The following NUMB variants were observed in gnomAD, a reference collection of about 807,000 sequenced individuals.
NUMB encodes the protein protein numb homolog.
In NUMB, 29 loss-of-function variants were observed where a neutral mutation model predicts 59.7. That is an observed-to-expected ratio of 0.49 (90% CI 0.36 to 0.66). The LOEUF is 0.66. Ranked by LOEUF, NUMB falls within the 30% of genes least tolerant of loss-of-function variation. The pLI, the probability that NUMB is intolerant of heterozygous loss-of-function variation, is 0.00. For synonymous variants in NUMB, 288 were observed against 288.2 expected, an observed-to-expected ratio of 1.00 and a Z score of 0.01; for missense variants, 723 against 822.0, an observed-to-expected ratio of 0.88 and a Z score of 1.47.
chr14:73,298,304 C>T (rs1889910730), intron 6 of NUMB: 1 of 152,324 alleles, frequency 6.6e-6, no homozygotes. Context: ...AAGTGATCCC[C>T]TTGTCCCAGC....
At chr14:73,403,938 C>CA (rs1896537933) in intron 2 of NUMB, among the ~76,000 whole-genome samples, 1 of 151,652 alleles carries the variant, frequency 6.6e-6, no homozygotes. Context: ...ACTAAAAATA[C>CA]AAAAATTAGC....
chr14:73,291,431 T>G (rs535840555), intron 8 of NUMB, among the ~76,000 whole-genome samples: 51 of 151,832 alleles, frequency 3.4e-4, no homozygotes, highest in Non-Finnish European at 6.5e-4. Flanking sequence ...CAGGCTGGAG[T>G]GCAGTGGTGC....
intron 2 of NUMB, among the ~76,000 whole-genome samples, chr14:73,384,164 T>C (rs1895383928): frequency 6.6e-6 from 1 of 151,994 alleles, no homozygotes; most frequent in Non-Finnish European, 1.5e-5. Flanking sequence ...TTCTTTTTTT[T>C]TTTTTGAGAC....
chr14:73,411,641 G>C (rs1005184644), intron 1 of NUMB, among the ~76,000 whole-genome samples: 2 of 152,048 alleles, frequency 1.3e-5, no homozygotes, highest in Non-Finnish European at 2.9e-5. Context: ...CTAGCATCTA[G>C]TACAATGCCT....
At chr14:73,278,061 A>AC (rs1198312724) in intron 12 of NUMB, among the ~76,000 whole-genome samples, 101 of 150,936 alleles carry the variant, frequency 6.7e-4, no homozygotes, top group Middle Eastern at 3.4e-3. Context: ...AAAAAAAAAA[A>AC]AAAAAAACAC....
Position 73,334,848 on chromosome 14 carries a change from C to G in NUMB, c.127-11644G>C, listed in dbSNP as rs549760902. On this transcript the variant is annotated intron_variant, in intron 4 of 12. Transcript: ENST00000555238. Reference sequence around the variant, plus strand: ...CCTGTAATCTCAGCTACTCGGGAAGCTAAGGCAGGAGAATAGCTTGAACCT... The same window carrying G: ...CCTGTAATCTCAGCTACTCGGGAAGGTAAGGCAGGAGAATAGCTTGAACCT... Among the ~76,000 whole-genome samples the G allele has an allele frequency of 1.0e-4, 15 of 149,632 alleles. 1 individual carries two copies. In the East Asian group the frequency reaches 3.0e-3, roughly 30 times the overall value.
intron 1 of NUMB, among the ~76,000 whole-genome samples, chr14:73,455,186 G>A (rs980696576): frequency 6.6e-6 from 1 of 152,056 alleles, no homozygotes; most frequent in African/African-American, 2.4e-5. Context: ...AAATCCTGAT[G>A]CAAAGCTATA....
intron 1 of NUMB, among the ~76,000 whole-genome samples, chr14:73,414,591 G>A (rs1489859686): frequency 6.6e-6 from 1 of 152,014 alleles, no homozygotes; most frequent in African/African-American, 2.4e-5. Flanking sequence ...TCACCATGAT[G>A]CCCAGGCTAG....
chr14:73,423,338 GAAA>G (rs34877673), intron 1 of NUMB, among the ~76,000 whole-genome samples: 1 of 111,066 alleles, frequency 9.0e-6, no homozygotes, highest in Non-Finnish European at 2.0e-5. Context: ...TGTCTCTACT[GAAA>G]AAAAAAAAAA....
At chr14:73,317,338 G>A (rs1891140202) in intron 5 of NUMB, among the ~76,000 whole-genome samples, 1 of 152,194 alleles carries the variant, frequency 6.6e-6, no homozygotes, top group African/African-American at 2.4e-5. Context: ...GTCTCACTCT[G>A]TCACTCAGGA....
At chr14:73,307,686 T>C (rs1890530944) in intron 6 of NUMB, among the ~76,000 whole-genome samples, 1 of 150,634 alleles carries the variant, frequency 6.6e-6, no homozygotes, top group African/African-American at 2.4e-5. Context: ...AGGAAGCTAC[T>C]GGAGGACATG....
intron 3 of NUMB, among the ~76,000 whole-genome samples, chr14:73,362,655 T>C (rs945249646): frequency 6.6e-6 from 1 of 152,016 alleles, no homozygotes; most frequent in Non-Finnish European, 1.5e-5. Context: ...AAGCTGGTTT[T>C]GAACTCCTTG....
At chr14:73,388,405 T>C (rs917820322) in intron 2 of NUMB, among the ~76,000 whole-genome samples, 2 of 152,212 alleles carry the variant, frequency 1.3e-5, no homozygotes, top group Non-Finnish European at 2.9e-5. Flanking sequence ...TATTTTTTAA[T>C]TTAAAAAAGT....
chr14:73,376,174 C>A (rs1894935011), intron 2 of NUMB, among the ~76,000 whole-genome samples: 1 of 152,124 alleles, frequency 6.6e-6, no homozygotes. Flanking sequence ...AATGAAAAAA[C>A]TTCCAGAATT....
At position 73,276,816 on chromosome 14, in the gene NUMB, C is replaced by A. The variant is rs760953719; in HGVS notation, c.1718G>T (p.Ser573Ile). ...CTGAGCAGGAGGCTTAAAGAAGGGA[C>A]TGGTGGTAGCACTGCTTGCCTCGTA... is the stretch of plus-strand genomic sequence containing the variant. ...PHYEASSATT[S>I]PFFKPPAQHL... Residue 573 changes from serine (S) to isoleucine (I), a missense_variant, in exon 13 of 13, where the codon AGT becomes ATT. Ser to Ile is a moderately radical substitution (Grantham distance 142). Coordinates refer to ENST00000555238, the MANE Select transcript of NUMB (RefSeq NM_001005743.2). 3.7e-6 allele frequency: 6 copies of A among 1,614,036 alleles called. No homozygotes were observed. The South Asian group carries it at 6.6e-5, about 18-fold the overall frequency.
In NUMB at chr14:73,280,175, CTT is replaced by C. The variant is rs1202589675; in HGVS notation, c.1097-753_1097-752del. ...CCATCTCAAACAAAAAAAAATTACT[CTT>C]TGTTTCCTCCTCAAAAGTTAAAATG... On this transcript the variant is annotated intron_variant, in intron 11 of 12. Transcript: ENST00000555238. Among the ~76,000 whole-genome samples the C allele has an allele frequency of 4.6e-5, 7 of 152,036 alleles. No individual in the cohort carries two copies. In the South Asian group the frequency reaches 6.2e-4, roughly 14 times the overall value.
intron 2 of NUMB, among the ~76,000 whole-genome samples, chr14:73,407,860 CA>C (rs1324523379): frequency 2.0e-5 from 3 of 152,206 alleles, no homozygotes. Flanking sequence ...AAACCTGCCA[CA>C]GGCAGTTTAT....
At position 73,276,691 on chromosome 14, in the gene NUMB, G is replaced by A; in HGVS notation, c.1843C>T (p.Pro615Ser). 3 of 1,614,170 alleles carry A rather than the reference G, an allele frequency of 1.9e-6. No homozygotes were observed. Among genetic ancestry groups the A allele is most frequent in the Non-Finnish European group, 2.5e-6 (3 of 1,179,998 alleles). ...AATGCAGCCCACTGGGCTTCAAAAG[G>A]ATCCACTGGGCAGGTGCCTGTAGGA... ...EVPTGTCPVD[P>S]FEAQWAALEN... Residue 615 changes from proline (P) to serine (S), a missense_variant, in exon 13 of 13, where the codon CCT becomes TCT. Pro to Ser is a moderately conservative substitution (Grantham distance 74). Around this residue, in one of 2 missense-constraint regions of NUMB, gnomAD observed 406 missense variants for 385.4 expected, o/e 1.05. Transcript: ENST00000555238.
Position 73,276,295 on chromosome 14 carries a change from C to A in NUMB, c.*283G>T. On this transcript the variant is annotated 3_prime_UTR_variant, in exon 13 of 13. Coordinates refer to ENST00000555238, the MANE Select transcript of NUMB (RefSeq NM_001005743.2). ...ATTCTTGTTCAGATACTTTGCCTCT[C>A]TGTTGCCAGAGATTTGTAAGGGGGT... The A allele has an allele frequency of 2.9e-6, 1 of 347,690 alleles. No individual in the cohort carries two copies. Among genetic ancestry groups the A allele is most frequent in the Non-Finnish European group, 5.3e-6 (1 of 189,654 alleles). 21.5% of individuals were successfully genotyped at this position (347,690 alleles called of 1,614,324 possible). A position where few individuals can be genotyped will look rare whatever the true frequency, so the allele number is the denominator to read the frequency against.
Sources: allele counts gnomAD v4.1 joint callset (sites outside exome capture counted in the v4.1 genomes callset), GRCh38; gene constraint gnomAD v4.1.1; regional missense constraint gnomAD v4.1.1; transcripts MANE v1.5; gene names NCBI Gene and HGNC (gene_info 2026-07-23, HGNC 2026-07-21).